The following IMPG2 variants were observed in gnomAD, a reference collection of about 807,000 sequenced individuals.
The protein encoded by IMPG2 is interphotoreceptor matrix proteoglycan 2.
Under a neutral mutation model 129.2 loss-of-function variants are expected in IMPG2, and 91 were observed. The ratio of observed to expected loss-of-function variants is 0.70; its 90% CI spans 0.59 to 0.84. The LOEUF (loss-of-function observed/expected upper bound fraction) is 0.84. IMPG2 is among the 40% of genes least tolerant of loss of function. IMPG2 has a pLI of 0.00. For missense variants in IMPG2, 1,430 were observed against 1,461.7 expected, an observed-to-expected ratio of 0.98 and a Z score of 0.35; for synonymous variants, 510 against 517.7, an observed-to-expected ratio of 0.99 and a Z score of 0.20.
intron 3 of IMPG2, among the ~76,000 whole-genome samples, chr3:101,293,299 G>A (rs1001033969): frequency 6.6e-6 from 1 of 152,116 alleles, no homozygotes; most frequent in Non-Finnish European, 1.5e-5. Flanking sequence ...ATATTGTATT[G>A]GCAGGCATGA....
At chr3:101,284,481 A>G (rs1473364554) in intron 4 of IMPG2, among the ~76,000 whole-genome samples, 1 of 152,210 alleles carries the variant, frequency 6.6e-6, no homozygotes, top group Non-Finnish European at 1.5e-5. Context: ...TAATGAATCC[A>G]ATGAATCAAT....
intron 18 of IMPG2, chr3:101,227,952 A>T: frequency 2.4e-6 from 1 of 425,278 alleles, no homozygotes. Context: ...TTCTCTTATA[A>T]GCATGCATGA....
chr3:101,276,760 A>C (rs748921273), intron 4 of IMPG2, 47 bp from the exon 5 acceptor site: 4 of 1,452,460 alleles, frequency 2.8e-6, no homozygotes, highest in Non-Finnish European at 2.9e-6. Flanking sequence ...GACACATGAG[A>C]GTTTATTTTG....
At chr3:101,315,713 C>G (rs897474213) in intron 2 of IMPG2, among the ~76,000 whole-genome samples, 1 of 151,968 alleles carries the variant, frequency 6.6e-6, no homozygotes, top group African/African-American at 2.4e-5. Context: ...TGGCAATTCT[C>G]CCCAAACTGA....
At chr3:101,241,522 T>G (rs1445990475) in intron 14 of IMPG2, among the ~76,000 whole-genome samples, 1 of 151,736 alleles carries the variant, frequency 6.6e-6, no homozygotes, top group Non-Finnish European at 1.5e-5. Context: ...CATTCAAGAG[T>G]ACCATGGGGG....
Position 101,245,860 on chromosome 3 carries a change from C to G in IMPG2, c.1485G>C (p.Gln495His). ...TLHSVTPAVLQTGLPVASEER... is the reference protein window; with the variant it reads ...TLHSVTPAVLHTGLPVASEER... ...CCTCAGAAGCCACAGGCAAGCCAGTCTGAAGCACTGCCGGGGTGACAGAAT... is the reference window on the plus strand; with the variant it reads ...CCTCAGAAGCCACAGGCAAGCCAGTGTGAAGCACTGCCGGGGTGACAGAAT... Residue 495 changes from glutamine (Q) to histidine (H), a missense_variant, in exon 12 of 19, where the codon CAG becomes CAC. Coordinates refer to ENST00000193391, the MANE Select transcript of IMPG2 (RefSeq NM_016247.4). 1.2e-6 allele frequency: 2 copies of G among 1,614,222 alleles called. No individual in the cohort carries two copies. Among genetic ancestry groups the G allele is most frequent in the Non-Finnish European group, 1.7e-6 (2 of 1,180,036 alleles).
rs373893244 is a variant in IMPG2 at position 101,244,458 on chromosome 3, C to A, written c.1873G>T (p.Ala625Ser). 37 of 1,614,130 alleles carry A rather than the reference C, an allele frequency of 2.3e-5. No homozygotes were observed. In the South Asian group the frequency reaches 3.5e-4, roughly 15 times the overall value. ...PWSETSSEKSAEPLSKPWLED... is the reference protein window; with the variant it reads ...PWSETSSEKSSEPLSKPWLED... ...AGCCACGGCTTGGACAGTGGTTCAG[C>A]GCTCTTCTCTGATGAAGTCTCACTC... The change falls in exon 13 of 19, where the codon GCT becomes TCT. Residue 625 changes from alanine (A) to serine (S), a missense_variant. Ala to Ser is a moderately conservative substitution (Grantham distance 99, BLOSUM62 1). Coordinates refer to ENST00000193391, the MANE Select transcript of IMPG2 (RefSeq NM_016247.4).
intron 9 of IMPG2, among the ~76,000 whole-genome samples, chr3:101,264,877 AAAAT>A (rs1706706290): frequency 6.6e-6 from 1 of 152,148 alleles, no homozygotes; most frequent in South Asian, 2.1e-4. Context: ...TCAACTTAAA[AAAAT>A]CCAGTGGCAT....
intron 7 of IMPG2, among the ~76,000 whole-genome samples, chr3:101,270,933 G>A (rs1366347762): frequency 1.3e-5 from 2 of 152,130 alleles, no homozygotes; most frequent in East Asian, 1.9e-4. Context: ...GAAATAAATT[G>A]ATGGACCTTG....
Position 101,230,944 on chromosome 3 carries a change from T to C in IMPG2, c.3422+13A>G. 17 of 1,607,522 alleles carry C rather than the reference T, an allele frequency of 1.1e-5. No homozygotes were observed. The highest frequency in any genetic ancestry group is 1.4e-5 in the Non-Finnish European group (17 of 1,174,256). ...ACATTGTATTCCATTAGAGAGCTCT[T>C]TTCCTTATTTACCTGAAGGGACTCT... On this transcript the variant is annotated intron_variant, in intron 16 of 18. Transcript: ENST00000193391.
At chr3:101,281,285 G>C (rs571824444) in intron 4 of IMPG2, among the ~76,000 whole-genome samples, 1 of 152,298 alleles carries the variant, frequency 6.6e-6, no homozygotes, top group African/African-American at 2.4e-5. Flanking sequence ...ATAAATGCGG[G>C]CTGTTTTAAA....
intron 5 of IMPG2, 49 bp from the exon 6 acceptor site, chr3:101,275,794 T>G (rs1282913052): frequency 1.5e-6 from 2 of 1,311,728 alleles, no homozygotes; most frequent in African/African-American, 1.4e-5. Context: ...CTCGATTAAG[T>G]CAGAATTCCT....
intron 9 of IMPG2, among the ~76,000 whole-genome samples, chr3:101,263,079 T>C (rs1706687033): frequency 1.3e-5 from 2 of 151,982 alleles, no homozygotes; most frequent in Admixed American, 6.6e-5. Context: ...AATGGAGAGA[T>C]AGACCCCAAT....
intron 4 of IMPG2, among the ~76,000 whole-genome samples, chr3:101,280,336 T>C (rs1706879267): frequency 6.6e-6 from 1 of 152,182 alleles, no homozygotes. Context: ...CTCTCGAATA[T>C]GTTACTATAA....
chr3:101,266,956 G>A (rs913440606), intron 9 of IMPG2, among the ~76,000 whole-genome samples: 1 of 152,098 alleles, frequency 6.6e-6, no homozygotes, highest in African/African-American at 2.4e-5. Flanking sequence ...GAGCAGCCAA[G>A]CCTCCATTCA....
chr3:101,257,781 T>C lies in IMPG2; in HGVS notation c.909-8A>G. The stretch of plus-strand genomic sequence containing the variant: ...TAGTAAACATCTACGCCACTATGGA[T>C]GGAAAGAGAGAACAGGTTAGGTTCA... On this transcript the variant is annotated splice_polypyrimidine_tract_variant and splice_region_variant and intron_variant, in intron 9 of 18. Coordinates refer to ENST00000193391, the MANE Select transcript of IMPG2 (RefSeq NM_016247.4). 1 of 1,612,768 alleles carries C rather than the reference T, an allele frequency of 6.2e-7. No individual in the cohort carries two copies. The highest frequency in any genetic ancestry group is 8.5e-7 in the Non-Finnish European group (1 of 1,179,148).
In IMPG2 at chr3:101,275,657, A is replaced by G. The variant is rs369988904; in HGVS notation, c.666+6T>C. On this transcript the variant is annotated splice_donor_region_variant and intron_variant, in intron 6 of 18. Transcript: ENST00000193391. The stretch of plus-strand genomic sequence containing the variant: ...AAACTAACTAACAAAACAGAGCATC[A>G]CTCACACTCTCCTCTGGCCTTTCCA... The G allele has an allele frequency of 6.3e-7, 1 of 1,595,248 alleles. No individual in the cohort carries two copies. The highest frequency in any genetic ancestry group is 1.3e-5 in the African/African-American group (1 of 74,620).
chr3:101,226,943 A>G lies in IMPG2; in HGVS notation c.*26T>C. The G allele has an allele frequency of 6.2e-7, 1 of 1,610,780 alleles. No homozygotes were observed. The highest frequency in any genetic ancestry group is 8.5e-7 in the Non-Finnish European group (1 of 1,177,082). On this transcript the variant is annotated 3_prime_UTR_variant, in exon 19 of 19. Coordinates refer to ENST00000193391, the MANE Select transcript of IMPG2 (RefSeq NM_016247.4). ...TAATCTCCATCTTCTCCAGGCTTCT[A>G]ATCAGTTTCAGAACAGGAGTTTTGG...
At chr3:101,314,157 A>G (rs2058770972) in intron 2 of IMPG2, among the ~76,000 whole-genome samples, 1 of 152,060 alleles carries the variant, frequency 6.6e-6, no homozygotes, top group Admixed American at 6.6e-5. Flanking sequence ...CTTTAAATAT[A>G]TTTTATATTA....
Sources: gnomAD v4.1 joint callset for allele counts (sites outside exome capture counted in the v4.1 genomes callset) on GRCh38, gnomAD v4.1.1 for gene constraint, MANE v1.5 for transcripts, NCBI Gene and HGNC (gene_info 2026-07-23, HGNC 2026-07-21) for gene names.